The following EFCAB5 variants were observed in gnomAD, a reference collection of about 807,000 sequenced individuals.
EFCAB5 encodes EF-hand calcium binding domain 5.
Under a neutral mutation model 167.9 loss-of-function variants are expected in EFCAB5, and 131 were observed. The observed-to-expected ratio is 0.78, with a 90% confidence interval of 0.68 to 0.90. The LOEUF is 0.90. Ranked by LOEUF, EFCAB5 falls within the 40% of genes least tolerant of loss-of-function variation. The pLI, the probability that EFCAB5 is intolerant of heterozygous loss-of-function variation, is 0.00. For synonymous variants in EFCAB5, 574 were observed against 602.8 expected, an observed-to-expected ratio of 0.95 and a Z score of 0.70; for missense variants, 1,663 against 1,745.2, an observed-to-expected ratio of 0.95 and a Z score of 0.84.
intron 14 of EFCAB5, among the ~76,000 whole-genome samples, chr17:30,069,971 G>C (rs532386727): frequency 1.3e-5 from 2 of 152,166 alleles, no homozygotes; most frequent in African/African-American, 4.8e-5. Context: ...TGGCAGGGGG[G>C]GCTGCTCCAG....
intron 3 of EFCAB5, among the ~76,000 whole-genome samples, chr17:29,950,096 TAC>T (rs1405376226): frequency 6.6e-6 from 1 of 152,192 alleles, no homozygotes; most frequent in Non-Finnish European, 1.5e-5. Context: ...GGTCCACTTA[TAC>T]ACAGATTTTC....
At chr17:30,098,591 G>A (rs2071337688) in intron 22 of EFCAB5, among the ~76,000 whole-genome samples, 2 of 150,776 alleles carry the variant, frequency 1.3e-5, no homozygotes, top group East Asian at 1.9e-4. Flanking sequence ...AGCCTCCCAA[G>A]TAGCTACAGG....
rs757547911 is a variant in EFCAB5, at chr17:29,941,806, T to C, written c.10T>C (p.Ser4Pro). 2.5e-6 allele frequency: 4 copies of C among 1,605,494 alleles called. No homozygotes were observed. Among genetic ancestry groups the C allele is most frequent in the African/African-American group, 1.3e-5 (1 of 74,790 alleles). Residue 4 changes from serine to proline, a missense_variant, in exon 1 of 23, where the codon TCA (serine) becomes CCA (proline). Transcript: ENST00000394835. MNESASQEELRPAQ... is the reference protein window; with the variant it reads MNEPASQEELRPAQ... ...AACTTTTGGAGTCCAAATGAATGAG[T>C]CAGCATCTCAAGAGGAACTCAGACC...
chr17:30,054,635 G>C (rs2070201497), intron 10 of EFCAB5, among the ~76,000 whole-genome samples: 1 of 152,174 alleles, frequency 6.6e-6, no homozygotes, highest in Non-Finnish European at 1.5e-5. Flanking sequence ...TCAGAATTTA[G>C]GCATACAGTA....
At chr17:30,086,984 T>A (rs2071101434) in intron 18 of EFCAB5, 79 bp from the exon 19 acceptor site, 4 of 1,249,692 alleles carry the variant, frequency 3.2e-6, no homozygotes, top group Non-Finnish European at 4.5e-6. Context: ...CTATTTTTTT[T>A]CTATTTATCT....
chr17:29,988,367 G>T (rs563842147), intron 4 of EFCAB5, among the ~76,000 whole-genome samples: 8 of 152,310 alleles, frequency 5.3e-5, no homozygotes, highest in African/African-American at 1.9e-4. Flanking sequence ...TGAAGAATCA[G>T]AAGTCAAATG....
At chr17:29,940,816 G>A (rs1237351597), upstream of EFCAB5, among the ~76,000 whole-genome samples, 1 of 152,062 alleles carries the variant, frequency 6.6e-6, no homozygotes, top group Non-Finnish European at 1.5e-5. Flanking sequence ...GAGGAGGGTG[G>A]ATCACTTGAG....
intron 7 of EFCAB5, among the ~76,000 whole-genome samples, chr17:30,022,872 A>G (rs1221860061): frequency 6.6e-6 from 1 of 152,214 alleles, no homozygotes; most frequent in African/African-American, 2.4e-5. Context: ...CAGGATTAAG[A>G]AACTCACTCA....
At chr17:30,062,024 T>C (rs996740087) in intron 14 of EFCAB5, among the ~76,000 whole-genome samples, 3 of 152,250 alleles carry the variant, frequency 2.0e-5, no homozygotes, top group African/African-American at 7.2e-5. Flanking sequence ...CTATTAACAT[T>C]CTTGGCTATG....
At chr17:29,984,285 T>G (rs562247493) in intron 4 of EFCAB5, among the ~76,000 whole-genome samples, 1 of 150,962 alleles carries the variant, frequency 6.6e-6, no homozygotes, top group African/African-American at 2.4e-5. Context: ...AACAGATAAA[T>G]AGCAGAAGGG....
In EFCAB5 at chr17:30,053,817, G is replaced by T. The variant is rs1250954932; in HGVS notation, c.1863G>T (p.Gly621=). 10 of 1,613,808 alleles carry T rather than the reference G, an allele frequency of 6.2e-6. No homozygotes were observed. In the East Asian group the frequency reaches 6.7e-5, roughly 11 times the overall value. Residue 621 remains glycine (G), a synonymous_variant, in exon 10 of 23, where the codon GGG becomes GGT. Transcript: ENST00000394835. ...ESIAEQDRHK[G]SVAEQGSRRM... The stretch of plus-strand genomic sequence containing the variant: ...TTGCAGAACAAGATCGACACAAAGG[G>T]TCAGTAGCAGAACAAGGATCACGCA...
chr17:30,036,337 ATATATAATACACATATATAATATATAAT>A (rs1200162743), intron 8 of EFCAB5, among the ~76,000 whole-genome samples: 14 of 133,538 alleles, frequency 1.0e-4, no homozygotes, highest in Non-Finnish European at 1.7e-4. Context: ...ATATATAATT[ATATATAATACACATATATAATATATAAT>A]TATATATAAT....
intron 19 of EFCAB5, among the ~76,000 whole-genome samples, chr17:30,088,594 C>A (rs922059268): frequency 4.6e-5 from 7 of 152,164 alleles, no homozygotes; most frequent in African/African-American, 1.4e-4. Context: ...TTAATAAGTA[C>A]TCGGTTCTAA....
At chr17:29,986,957 A>C (rs749543482) in intron 4 of EFCAB5, among the ~76,000 whole-genome samples, 1 of 152,024 alleles carries the variant, frequency 6.6e-6, no homozygotes, top group South Asian at 2.1e-4. Context: ...GAGTATATTC[A>C]TTTTGATAAA....
At chr17:29,967,469 A>G (rs1054761972) in intron 3 of EFCAB5, among the ~76,000 whole-genome samples, 9 of 152,188 alleles carry the variant, frequency 5.9e-5, no homozygotes, top group African/African-American at 1.7e-4. Context: ...TCTTTCTCCT[A>G]TGACCCATAT....
intron 8 of EFCAB5, among the ~76,000 whole-genome samples, chr17:30,036,135 C>CTATATATAATATATAATATATTAT (rs2069610477): frequency 2.9e-5 from 4 of 138,624 alleles, no homozygotes; most frequent in East Asian, 4.0e-4. Flanking sequence ...ATGAGGCACT[C>CTATATATAATATATAATATATTAT]TATATATAAT....
At chr17:30,058,787 T>C (rs1418427407) in intron 13 of EFCAB5, among the ~76,000 whole-genome samples, 1 of 152,060 alleles carries the variant, frequency 6.6e-6, no homozygotes, top group Non-Finnish European at 1.5e-5. Context: ...GAAAATCTCT[T>C]GGGCTCAGGA....
At chr17:29,934,764 C>T (rs1195551567) in intron 1 of EFCAB5, among the ~76,000 whole-genome samples, 1 of 152,044 alleles carries the variant, frequency 6.6e-6, no homozygotes, top group African/African-American at 2.4e-5. Context: ...ACCAGTGGGA[C>T]CATGGGCATA....
intron 21 of EFCAB5, among the ~76,000 whole-genome samples, chr17:30,092,491 A>C (rs746041601): frequency 2.0e-5 from 3 of 152,000 alleles, no homozygotes; most frequent in African/African-American, 7.3e-5. Flanking sequence ...GGGTTCAAGC[A>C]ATTCTCCTGC....
Sources: allele counts gnomAD v4.1 joint callset (sites outside exome capture counted in the v4.1 genomes callset), GRCh38; gene constraint gnomAD v4.1.1; transcripts MANE v1.5; gene names NCBI Gene and HGNC (gene_info 2026-07-23, HGNC 2026-07-21).